The following HERC2 variants were observed in gnomAD, a reference collection of about 807,000 sequenced individuals.
HERC2 encodes E3 ubiquitin-protein ligase HERC2.
HERC2 carries 102 observed loss-of-function variants against 537.7 expected under a neutral mutation model. The observed-to-expected ratio is 0.19, with a 90% CI of 0.16 to 0.22. The LOEUF is 0.22. HERC2 is among the 10% of genes least tolerant of loss of function. The probability of loss-of-function intolerance (pLI) is 1.00; values close to 1 mark genes in which losing one functional copy is unlikely to be tolerated. For synonymous variants in HERC2, 2,224 were observed against 2,466.2 expected, an observed-to-expected ratio of 0.90 and a Z score of 2.91; for missense variants, 4,236 against 6,198.2, an observed-to-expected ratio of 0.68 and a Z score of 10.63.
intron 23 of HERC2, among the ~76,000 whole-genome samples, chr15:28,241,478 T>C (rs1357319274): frequency 6.6e-6 from 1 of 151,862 alleles, no homozygotes; most frequent in Non-Finnish European, 1.5e-5. Context: ...AAATTAAATA[T>C]AAAATTACCA....
In HERC2 at chr15:28,176,332, G is replaced by A. The variant is rs1250934246; in HGVS notation, c.9686+96C>T. On this transcript the variant is annotated intron_variant, in intron 63 of 92. Coordinates refer to ENST00000261609, the MANE Select transcript of HERC2 (RefSeq NM_004667.6). This position sits in a 1 kb window ranked among gnomAD's most constrained non-coding sequence, Gnocchi z 5.0. Reference sequence around the variant, plus strand: ...GCATGCATAAGTAAAAAGAGGACACGTCACAATCACGCCGGGTGAGCCTGG... The same window carrying A: ...GCATGCATAAGTAAAAAGAGGACACATCACAATCACGCCGGGTGAGCCTGG... The A allele has an allele frequency of 1.9e-5, 21 of 1,122,340 alleles. No individual in the cohort carries two copies. The Admixed American group carries it at 2.7e-4, about 14-fold the overall frequency. 69.5% of individuals were successfully genotyped at this position (1,122,340 alleles called of 1,614,324 possible).
intron 56 of HERC2, among the ~76,000 whole-genome samples, chr15:28,183,128 T>A (rs1895980388): frequency 1.3e-5 from 2 of 152,172 alleles, no homozygotes; most frequent in Admixed American, 1.3e-4. Flanking sequence ...AAAGTCCTCG[T>A]CTCCTGTCCT....
chr15:28,275,867 A>G (rs2075857796), intron 5 of HERC2, among the ~76,000 whole-genome samples: 1 of 152,198 alleles, frequency 6.6e-6, no homozygotes, highest in African/African-American at 2.4e-5. Context: ...GTTATACTTT[A>G]TACTATATCA....
chr15:28,152,595 G>T, intron 70 of HERC2, 82 bp downstream of exon 70: 6 of 1,224,422 alleles, frequency 4.9e-6, no homozygotes, highest in Non-Finnish European at 6.6e-6. Flanking sequence ...GGAGATGGTT[G>T]TTTCTACTGA....
chr15:28,245,624 CAT>C (rs1423515030), intron 23 of HERC2, among the ~76,000 whole-genome samples: 4 of 150,418 alleles, frequency 2.7e-5, no homozygotes, highest in Admixed American at 6.6e-5. Flanking sequence ...TATACACACA[CAT>C]ATATGTACAC....
rs138636407 is a variant in HERC2 at position 28,213,889 on chromosome 15, G to A, written c.6639C>T (p.Ile2213=). 7.4e-6 allele frequency: 12 copies of A among 1,613,952 alleles called. No individual in the cohort carries two copies. Among genetic ancestry groups the A allele is most frequent in the African/African-American group, 2.7e-5 (2 of 74,990 alleles). The part of the protein sequence containing the change: ...LMAVLAVIGG[I]DGRLRLGGQV... ...GACCGCCCAGGCGCAGGCGACCATC[G>A]ATGCCTCCAATCACAGCCAGGACTG... Residue 2213 remains isoleucine (I), a synonymous_variant, in exon 42 of 93, where the codon ATC becomes ATT. Coordinates refer to ENST00000261609, the MANE Select transcript of HERC2 (RefSeq NM_004667.6).
intron 16 of HERC2, among the ~76,000 whole-genome samples, chr15:28,257,848 T>A (rs772805684): frequency 6.7e-6 from 1 of 148,268 alleles, no homozygotes; most frequent in Non-Finnish European, 1.5e-5. Flanking sequence ...GCCTGGCTAA[T>A]TTTTTTTTTG....
At chr15:28,272,849 A>G (rs1302205142) in intron 8 of HERC2, 45 bp downstream of exon 8, 3 of 1,299,862 alleles carry the variant, frequency 2.3e-6, no homozygotes, top group Non-Finnish European at 3.3e-6. Context: ...GTATTTCCAT[A>G]CACAGGCGCT....
intron 35 of HERC2, among the ~76,000 whole-genome samples, chr15:28,222,526 T>C (rs891931940): frequency 1.3e-5 from 2 of 152,228 alleles, no homozygotes; most frequent in Non-Finnish European, 2.9e-5. Context: ...ATATTCATCA[T>C]ATTTTTTATT....
intron 70 of HERC2, among the ~76,000 whole-genome samples, chr15:28,149,110 G>A (rs908520115): frequency 7.4e-5 from 11 of 148,018 alleles, no homozygotes; most frequent in East Asian, 2.0e-4. Context: ...CCACACGAAC[G>A]TATAATCTAG....
At chr15:28,162,939 C>T (rs745392759) in intron 69 of HERC2, among the ~76,000 whole-genome samples, 155 bp downstream of exon 69, 23 of 152,298 alleles carry the variant, frequency 1.5e-4, no homozygotes, top group South Asian at 4.1e-4. Flanking sequence ...AATGCTAAAA[C>T]GTTTTGCTCT....
rs1456253081 is a variant in HERC2, at chr15:28,228,424, C to G, written c.5273-15G>C. On this transcript the variant is annotated splice_polypyrimidine_tract_variant and intron_variant, in intron 34 of 92. Coordinates refer to ENST00000261609, the MANE Select transcript of HERC2 (RefSeq NM_004667.6). ...CGGCTGGATACCTAATGAGCATTGG[C>G]ACCTACTGACATTTCTTGTGATGGA... The G allele has an allele frequency of 6.2e-7, 1 of 1,610,408 alleles. No homozygotes were observed. Among genetic ancestry groups the G allele is most frequent in the South Asian group, 1.1e-5 (1 of 90,922 alleles).
chr15:28,266,075 G>GC, intron 12 of HERC2, 101 bp from the exon 13 acceptor site: 2 of 1,276,834 alleles, frequency 1.6e-6, no homozygotes. Context: ...GACCAGCATA[G>GC]CATCAGGCCA....
intron 79 of HERC2, 69 bp downstream of exon 79, chr15:28,135,409 T>A: frequency 8.1e-7 from 1 of 1,227,668 alleles, no homozygotes; most frequent in Non-Finnish European, 1.2e-6. Context: ...CGCCAATAGA[T>A]TGTAGCAGCA....
chr15:28,233,160 C>T lies in HERC2; in HGVS notation c.4661G>A (p.Arg1554Gln), dbSNP rs2525982. 3.1e-6 allele frequency: 5 copies of T among 1,610,636 alleles called. No individual in the cohort carries two copies. Among genetic ancestry groups the T allele is most frequent in the East Asian group, 2.2e-5 (1 of 44,882 alleles). The change falls in exon 30 of 93, where the codon CGA becomes CAA. Residue 1554 changes from arginine to glutamine, a missense_variant. By Grantham distance (43) the Arg-to-Gln change is conservative (BLOSUM62 1). Transcript: ENST00000261609. Reference sequence around the variant, plus strand: ...TACATTCTTACCTCTCTTTTTCCTTCGTTCTCGAATTATCTTTTGAGCTAT... The same window carrying T: ...TACATTCTTACCTCTCTTTTTCCTTTGTTCTCGAATTATCTTTTGAGCTAT... Reference protein sequence around the residue: ...RRIAQKIIRERRKKRVPKKPE... With the variant: ...RRIAQKIIREQRKKRVPKKPE...
At position 28,177,524 on chromosome 15, in the gene HERC2, G is replaced by A. The variant is rs764350734; in HGVS notation, c.9164-15C>T. On this transcript the variant is annotated splice_polypyrimidine_tract_variant and intron_variant, in intron 59 of 92. Coordinates refer to ENST00000261609, the MANE Select transcript of HERC2 (RefSeq NM_004667.6). This position sits in a 1 kb window ranked among gnomAD's most constrained non-coding sequence, Gnocchi z 5.0. ...GTGCCGGCCACCTGCAACATTCACAGACACACGGATTGCCAAAGGGCAGGG... is the reference window on the plus strand; with the variant it reads ...GTGCCGGCCACCTGCAACATTCACAAACACACGGATTGCCAAAGGGCAGGG... 2 of 1,613,470 alleles carry A rather than the reference G, an allele frequency of 1.2e-6. No individual in the cohort carries two copies. Among genetic ancestry groups the A allele is most frequent in the Non-Finnish European group, 1.7e-6 (2 of 1,179,414 alleles).
chr15:28,178,292 C>T lies in HERC2; in HGVS notation c.9163+595G>A, dbSNP rs1413787560. Among the ~76,000 whole-genome samples, 3 of 152,222 alleles carry T rather than the reference C, an allele frequency of 2.0e-5. No individual in the cohort carries two copies. In the East Asian group the frequency reaches 5.8e-4, roughly 29 times the overall value. On this transcript the variant is annotated intron_variant, in intron 59 of 92. Coordinates refer to ENST00000261609, the MANE Select transcript of HERC2 (RefSeq NM_004667.6). ...CTTCTGCCAGGCCTGGCCCTGGACT[C>T]TGGGGGCGAGAGCTAGTCTAAGACC... is the stretch of plus-strand genomic sequence containing the variant.
At chr15:28,199,967 T>TC (rs981193484) in intron 48 of HERC2, among the ~76,000 whole-genome samples, 2 of 151,418 alleles carry the variant, frequency 1.3e-5, no homozygotes, top group African/African-American at 2.4e-5. Context: ...AATGTTTGTG[T>TC]CCCCCCCACC....
At chr15:28,272,798 G>T in intron 8 of HERC2, 96 bp downstream of exon 8, 1 of 769,246 alleles carries the variant, frequency 1.3e-6, no homozygotes, top group Non-Finnish European at 2.1e-6. Context: ...CACATCTGCT[G>T]CGGTCACAAA....
Sources: gnomAD v4.1 joint callset for allele counts (sites outside exome capture counted in the v4.1 genomes callset) on GRCh38, gnomAD v4.1.1 for gene constraint, Gnocchi (gnomAD v3.1) non-coding constraint, MANE v1.5 for transcripts, NCBI Gene and HGNC (gene_info 2026-07-23, HGNC 2026-07-21) for gene names.